ANKDD1A: variants seen among roughly 807,000 people sequenced by gnomAD.
The protein encoded by ANKDD1A is ankyrin repeat and death domain-containing protein 1A.
A neutral mutation model predicts 63.5 loss-of-function variants in ANKDD1A; 59 were observed. That is an observed-to-expected ratio of 0.93 (90% CI 0.75 to 1.15). The LOEUF (loss-of-function observed/expected upper bound fraction) is 1.15. Among genes scored for constraint, ANKDD1A ranks in the 50% most tolerant of loss-of-function variants. The probability of loss-of-function intolerance (pLI) is 0.00; values close to 1 mark genes in which losing one functional copy is unlikely to be tolerated. For missense variants in ANKDD1A, 632 were observed against 656.4 expected (o/e 0.96, Z 0.41); for synonymous variants, 266 against 263.9 (o/e 1.01, Z -0.08).
chr15:64,948,143 G>A (rs2085238334), intron 13 of ANKDD1A, among the ~76,000 whole-genome samples: 1 of 151,854 alleles, frequency 6.6e-6, no homozygotes, highest in Admixed American at 6.6e-5. Context: ...TGGCTAAATG[G>A]GCAAAAAATA....
At chr15:64,953,186 TTCC>T (rs2085333751) in intron 14 of ANKDD1A, among the ~76,000 whole-genome samples, 2 of 123,324 alleles carry the variant, frequency 1.6e-5, no homozygotes, top group South Asian at 4.7e-4. Flanking sequence ...CTTTTTCTTC[TTCC>T]TCTTCTTATT....
In ANKDD1A at chr15:64,921,948, G is replaced by T. The variant is rs1379719701; in HGVS notation, c.295G>T (p.Ala99Ser). Residue 99 changes from alanine to serine, a missense_variant, in exon 4 of 15, where the codon GCC becomes TCC. By Grantham distance (99) the Ala-to-Ser change is moderately conservative. Transcript: ENST00000319580. ...TGGGATGAATGCGCTTCTCCTGTCT[G>T]CCTGGTTCGGCCACTTACGAATCCT... is the stretch of plus-strand genomic sequence containing the variant. ...CFGMNALLLS[A>S]WFGHLRILQI... is the part of the protein sequence containing the mutation. 6 of 1,614,098 alleles carry T rather than the reference G, an allele frequency of 3.7e-6. No individual in the cohort carries two copies. Among genetic ancestry groups the T allele is most frequent in the South Asian group, 3.3e-5 (3 of 91,072 alleles).
chr15:64,923,376 T>G (rs187107215), intron 4 of ANKDD1A, among the ~76,000 whole-genome samples: 153 of 152,292 alleles, frequency 1.0e-3, no homozygotes, highest in African/African-American at 3.6e-3. Context: ...AATAATAAAT[T>G]TATGCTGTTT....
At chr15:64,951,460 TTC>T (rs570035428) in intron 14 of ANKDD1A, 815 of 31,468 alleles carry the variant, frequency 0.026, 21 homozygotes, top group East Asian at 0.098. Context: ...TTCTTTTCTT[TTC>T]TCTTTTTTCT....
intron 9 of ANKDD1A, among the ~76,000 whole-genome samples, chr15:64,941,406 C>A (rs1167593248): frequency 6.6e-6 from 1 of 152,164 alleles, no homozygotes; most frequent in East Asian, 1.9e-4. Context: ...GAGCATGGTA[C>A]CAGCATCTTG....
At chr15:64,922,079 C>T (rs1196669329) in intron 4 of ANKDD1A, 60 bp downstream of exon 4, 1 of 1,485,902 alleles carries the variant, frequency 6.7e-7, no homozygotes, top group African/African-American at 1.4e-5. Context: ...ATGCACAGGT[C>T]TCCCCCGACC....
chr15:64,934,216 C>T lies in ANKDD1A; in HGVS notation c.849C>T (p.Cys283=), dbSNP rs200734202. 204 of 1,611,466 alleles carry T rather than the reference C, an allele frequency of 1.3e-4. 1 individual carries two copies. The Middle Eastern group carries it at 1.5e-3, about 12-fold the overall frequency. ...GGGTCCTCATCCACGCAGGAGGCTG[C>T]GCCAACGTGGTTGATCATGTAAGTA... The part of the protein sequence containing the change: ...VSRVLIHAGG[C]ANVVDHQGAS... The change falls in exon 9 of 15, where the codon TGC becomes TGT. Residue 283 remains cysteine, a synonymous_variant. Transcript: ENST00000319580.
In ANKDD1A at chr15:64,957,392, A is replaced by G; in HGVS notation, c.*204A>G. The G allele has an allele frequency of 1.2e-5, 2 of 162,208 alleles. No homozygotes were observed. Among genetic ancestry groups the G allele is most frequent in the South Asian group, 2.9e-4 (2 of 6,966 alleles). The allele number at this position is 162,208 out of a possible 1,614,324, so 10.0% of individuals were successfully genotyped here. A position where few individuals can be genotyped will look rare whatever the true frequency, so the allele number is the denominator to read the frequency against. On this transcript the variant is annotated 3_prime_UTR_variant, in exon 15 of 15. Coordinates refer to ENST00000319580, the MANE Select transcript of ANKDD1A (RefSeq NM_182703.6). ...AATGCTATGGCTTATCACAGTTACA[A>G]TGTGTTTTCTGAAAGTAAAGATTAT...
At chr15:64,939,679 TG>T (rs942123529) in intron 9 of ANKDD1A, among the ~76,000 whole-genome samples, 85 of 152,226 alleles carry the variant, frequency 5.6e-4, no homozygotes, top group African/African-American at 1.9e-3. Context: ...CAAAGAAGGG[TG>T]GGAAGACCAT....
chr15:64,951,691 C>CTTAT (rs1218099535), intron 14 of ANKDD1A, among the ~76,000 whole-genome samples: 17 of 117,594 alleles, frequency 1.4e-4, no homozygotes, highest in Non-Finnish European at 2.5e-4. Context: ...TTTCTTCTTC[C>CTTAT]TCTTCTTCTT....
Position 64,931,545 on chromosome 15 carries a change from T to C in ANKDD1A, c.728T>C (p.Leu243Pro). 1.2e-6 allele frequency: 2 copies of C among 1,614,012 alleles called. No homozygotes were observed. Among genetic ancestry groups the C allele is most frequent in the Non-Finnish European group, 1.7e-6 (2 of 1,179,998 alleles). Residue 243 changes from leucine to proline, a missense_variant, in exon 8 of 15, where the codon CTC becomes CCC. Coordinates refer to ENST00000319580, the MANE Select transcript of ANKDD1A (RefSeq NM_182703.6). ...GGATCCCACCCTGACTGTGTGCAGC[T>C]CCTCCTCAGGGCTGGGAGCACCGTG... The part of the protein sequence containing the change: ...AGGSHPDCVQ[L>P]LLRAGSTVNA...
intron 14 of ANKDD1A, among the ~76,000 whole-genome samples, chr15:64,954,689 CTCCTTG>C (rs2085394490): frequency 3.4e-5 from 5 of 145,752 alleles, no homozygotes; most frequent in Non-Finnish European, 6.0e-5. Context: ...TTCTCTCCTT[CTCCTTG>C]TTCTTCTCCT....
chr15:64,940,144 T>TAA lies in ANKDD1A; in HGVS notation c.868-2311_868-2310dup, dbSNP rs60623769. Among the ~76,000 whole-genome samples the TAA allele has an allele frequency of 2.6e-3, 379 of 145,104 alleles. 1 individual carries two copies. The highest frequency in any genetic ancestry group is 7.1e-3 in the Middle Eastern group (2 of 282). ...ATAAAGGGCTCTCAAAACTCAACAGTAAAAAAAAAAAAATGGGCAAAAGAC... is the reference window on the plus strand; with the variant it reads ...ATAAAGGGCTCTCAAAACTCAACAGTAAAAAAAAAAAAAAATGGGCAAAAGAC... On this transcript the variant is annotated intron_variant, in intron 9 of 14. Transcript: ENST00000319580.
intron 4 of ANKDD1A, 163 bp downstream of exon 4, chr15:64,922,182 G>A (rs759721172): frequency 3.6e-5 from 22 of 605,032 alleles, no homozygotes; most frequent in African/African-American, 2.7e-4. Flanking sequence ...TTTACTATTC[G>A]GTGAGTTGGG....
chr15:64,917,494 C>G lies in ANKDD1A; in HGVS notation c.247C>G (p.Leu83Val). Residue 83 changes from leucine (L) to valine (V), a missense_variant, in exon 3 of 15, where the codon CTC (leucine) becomes GTC (valine). Physicochemically the swap from Leu to Val is conservative, Grantham distance 32. Coordinates refer to ENST00000319580, the MANE Select transcript of ANKDD1A (RefSeq NM_182703.6). ...AVDEEDAVGA[L>V]TEARLCFGMN... ...GGACGAGGAGGATGCGGTAGGGGCCCTCACAGAGGCACGTCTGTGTGTACG... is the reference window on the plus strand; with the variant it reads ...GGACGAGGAGGATGCGGTAGGGGCCGTCACAGAGGCACGTCTGTGTGTACG... 1 of 1,584,096 alleles carries G rather than the reference C, an allele frequency of 6.3e-7. No individual in the cohort carries two copies. The highest frequency in any genetic ancestry group is 8.6e-7 in the Non-Finnish European group (1 of 1,165,668).
chr15:64,950,967 G>A (rs1350443740), intron 14 of ANKDD1A: 1 of 1,271,498 alleles, frequency 7.9e-7, no homozygotes, highest in African/African-American at 1.5e-5. Flanking sequence ...ATATCAGGAA[G>A]AAAGCAAACG....
Position 64,951,753 on chromosome 15 carries a change from CCTT to C in ANKDD1A, c.1483+1785_1483+1787del, listed in dbSNP as rs796434664. ...TTCTTTCCTCCTTCTTCCTCTTCTT[CCTT>C]CTTTCCTTTTCTTCTTCTTTCCTTT... On this transcript the variant is annotated intron_variant, in intron 14 of 14. Transcript: ENST00000319580. Among the ~76,000 whole-genome samples, 424 of 81,450 alleles carry C rather than the reference CCTT, an allele frequency of 5.2e-3. 7 individuals are homozygous for C. The highest frequency in any genetic ancestry group is 7.6e-3 in the Non-Finnish European group (279 of 36,638). The allele number at this position is 81,450 out of a possible 152,430, so 53.4% of individuals were successfully genotyped here. A position where few individuals can be genotyped will look rare whatever the true frequency, so the allele number is the denominator to read the frequency against.
At position 64,951,334 on chromosome 15, in the gene ANKDD1A, T is replaced by C. The variant is rs1383677354; in HGVS notation, c.1483+1362T>C. ...TCTTCTTCTTTCTTCTTTCCTCTTTTTCTTTCTTCTTTCCTCTTCTTTCTT... is the reference window on the plus strand; with the variant it reads ...TCTTCTTCTTTCTTCTTTCCTCTTTCTCTTTCTTCTTTCCTCTTCTTTCTT... On this transcript the variant is annotated intron_variant, in intron 14 of 14. Transcript: ENST00000319580. 7.0e-3 allele frequency: 4,812 copies of C among 684,590 alleles called. 22 individuals carry two copies. Among genetic ancestry groups the C allele is most frequent in the East Asian group, 0.053 (226 of 4,294 alleles). 42.4% of individuals were successfully genotyped at this position (684,590 alleles called of 1,614,324 possible).
intron 9 of ANKDD1A, 70 bp downstream of exon 9, chr15:64,934,304 A>G: frequency 2.1e-6 from 3 of 1,422,156 alleles, no homozygotes; most frequent in Non-Finnish European, 2.9e-6. Context: ...GATGAAGCAC[A>G]GGGAGAAACA....
Sources: gnomAD v4.1 joint callset for allele counts (sites outside exome capture counted in the v4.1 genomes callset) on GRCh38, gnomAD v4.1.1 for gene constraint, MANE v1.5 for transcripts, NCBI Gene and HGNC (gene_info 2026-07-23, HGNC 2026-07-21) for gene names.